The following EPHA7 variants were observed in gnomAD, a reference collection of about 807,000 sequenced individuals.
EPHA7 encodes the protein ephrin type-A receptor 7.
EPHA7 carries 25 observed loss-of-function variants against 112.6 expected under a neutral mutation model. The ratio of observed to expected loss-of-function variants is 0.22; its 90% CI spans 0.16 to 0.31. The LOEUF (loss-of-function observed/expected upper bound fraction) is 0.31, where lower values mean the gene tolerates loss of function less well. Among genes scored for constraint, EPHA7 ranks in the 10% least tolerant of loss-of-function variants. The pLI is 1.00. For missense variants in EPHA7, 962 were observed against 1,212.6 expected, an observed-to-expected ratio of 0.79 and a Z score of 3.07; for synonymous variants, 437 against 406.5, an observed-to-expected ratio of 1.07 and a Z score of -0.90.
chr6:93,405,476 A>C (rs1778648675), intron 3 of EPHA7, among the ~76,000 whole-genome samples: 2 of 151,758 alleles, frequency 1.3e-5, no homozygotes, highest in African/African-American at 2.4e-5. Context: ...ATACATGTTC[A>C]TTTGTTCATC....
At position 93,243,449 on chromosome 6, in the gene EPHA7, G is replaced by T; in HGVS notation, c.2974C>A (p.His992Asn). ...QTMRAQMLHL[H>N]GTGIQV The stretch of plus-strand genomic sequence containing the variant: ...TATCACACTTGAATGCCAGTTCCAT[G>T]TAAATGTAGCATTTGTGCTCTCATA... Residue 992 changes from histidine to asparagine, a missense_variant, in exon 17 of 17, where the codon CAT becomes AAT. Physicochemically the swap from His to Asn is moderately conservative, Grantham distance 68 (BLOSUM62 1). Around this residue, in one of 3 missense-constraint regions of EPHA7, gnomAD observed 746 missense variants for 889.2 expected, o/e 0.84. Transcript: ENST00000369303. 6.2e-7 allele frequency: 1 copy of T among 1,613,228 alleles called. No individual in the cohort carries two copies. The highest frequency in any genetic ancestry group is 8.5e-7 in the Non-Finnish European group (1 of 1,179,350).
chr6:93,273,871 G>C (rs906933656), intron 5 of EPHA7, among the ~76,000 whole-genome samples: 1 of 151,992 alleles, frequency 6.6e-6, no homozygotes, highest in African/African-American at 2.4e-5. Context: ...CAACGTTCAA[G>C]AGGCTGCTTC....
intron 5 of EPHA7, among the ~76,000 whole-genome samples, chr6:93,311,477 T>C (rs763624687): frequency 2.0e-5 from 3 of 152,154 alleles, no homozygotes; most frequent in Admixed American, 6.5e-5. Flanking sequence ...TCCTCATCCA[T>C]TGCAGTTTTA....
At chr6:93,373,200 T>C (rs551846557) in intron 3 of EPHA7, among the ~76,000 whole-genome samples, 1 of 152,012 alleles carries the variant, frequency 6.6e-6, no homozygotes, top group East Asian at 1.9e-4. Flanking sequence ...GTTCTCTTTA[T>C]ATTATATTTA....
At chr6:93,246,338 C>A (rs1006040228) in intron 15 of EPHA7, among the ~76,000 whole-genome samples, 8 of 152,128 alleles carry the variant, frequency 5.3e-5, no homozygotes, top group Non-Finnish European at 8.8e-5. Context: ...GCGTGAGCCA[C>A]CGCACCTAGC....
At chr6:93,285,286 G>A (rs574597972) in intron 5 of EPHA7, among the ~76,000 whole-genome samples, 6 of 152,224 alleles carry the variant, frequency 3.9e-5, no homozygotes, top group East Asian at 1.9e-4. Context: ...GAAAATTAAC[G>A]CAGCTAATTA....
intron 5 of EPHA7, among the ~76,000 whole-genome samples, chr6:93,276,090 C>G (rs992117538): frequency 6.6e-6 from 1 of 151,984 alleles, no homozygotes. Flanking sequence ...TGTCTATACC[C>G]TAATCTCTGA....
chr6:93,410,919 T>C lies in EPHA7; in HGVS notation c.414A>G (p.Ile138Met), dbSNP rs1318584442. 1 of 1,614,050 alleles carries C rather than the reference T, an allele frequency of 6.2e-7. No homozygotes were observed. Among genetic ancestry groups the C allele is most frequent in the East Asian group, 2.2e-5 (1 of 44,880 alleles). Residue 138 changes from isoleucine to methionine, a missense_variant, in exon 3 of 17, where the codon ATA becomes ATG. Physicochemically the swap from Ile to Met is conservative, Grantham distance 10. Around this residue, in one of 3 missense-constraint regions of EPHA7, gnomAD observed 160 missense variants for 263.6 expected, o/e 0.61. Coordinates refer to ENST00000369303, the MANE Select transcript of EPHA7 (RefSeq NM_004440.4). The surrounding 1 kb of genome is among the most constrained non-coding windows in gnomAD (Gnocchi z 4.0). ...CTATTTTTACATAGAGGTTTTCTCTTATATTCCTGCCAGTGTCATAGTCTG... is the reference window on the plus strand; with the variant it reads ...CTATTTTTACATAGAGGTTTTCTCTCATATTCCTGCCAGTGTCATAGTCTG... ...YETDYDTGRN[I>M]RENLYVKIDT...
chr6:93,254,261 A>G (rs1338543345), intron 14 of EPHA7, among the ~76,000 whole-genome samples: 1 of 152,142 alleles, frequency 6.6e-6, no homozygotes, highest in Non-Finnish European at 1.5e-5. Flanking sequence ...AAAGAAAAAG[A>G]TAAGCTTCAA....
intron 3 of EPHA7, among the ~76,000 whole-genome samples, chr6:93,398,583 G>A (rs1778291335): frequency 7.9e-6 from 1 of 126,126 alleles, no homozygotes; most frequent in South Asian, 2.4e-4. Flanking sequence ...AGAGAAGATG[G>A]AGAAGGAAAA....
intron 3 of EPHA7, among the ~76,000 whole-genome samples, chr6:93,389,785 C>T (rs926759883): frequency 2.0e-4 from 31 of 151,748 alleles, no homozygotes; most frequent in African/African-American, 7.0e-4. Context: ...GAATCTGAGT[C>T]CACAGCACTA....
intron 5 of EPHA7, among the ~76,000 whole-genome samples, chr6:93,328,327 T>C (rs1774422955): frequency 6.6e-6 from 1 of 151,608 alleles, no homozygotes; most frequent in Admixed American, 6.6e-5. Flanking sequence ...TGCACTCCAC[T>C]TCTACTAGAA....
intron 14 of EPHA7, among the ~76,000 whole-genome samples, chr6:93,249,778 A>T (rs1028119052): frequency 6.6e-6 from 1 of 152,180 alleles, no homozygotes; most frequent in African/African-American, 2.4e-5. Flanking sequence ...TGTAAATCTA[A>T]ATCTTATCAT....
At chr6:93,245,264 A>G (rs765882206) in intron 16 of EPHA7, 34 bp downstream of exon 16, 44 of 1,585,702 alleles carry the variant, frequency 2.8e-5, no homozygotes, top group African/African-American at 4.2e-5. Context: ...TACCTAATAA[A>G]TCCTTAAATA....
chr6:93,268,227 A>G (rs1771039704), intron 7 of EPHA7, among the ~76,000 whole-genome samples: 1 of 151,700 alleles, frequency 6.6e-6, no homozygotes, highest in South Asian at 2.1e-4. Context: ...TTACAACTCT[A>G]TGTGAATGAT....
intron 5 of EPHA7, among the ~76,000 whole-genome samples, chr6:93,305,389 T>G (rs1773203730): frequency 6.6e-6 from 1 of 151,996 alleles, no homozygotes; most frequent in Non-Finnish European, 1.5e-5. Context: ...TAAAATTTCT[T>G]AATAATATTA....
chr6:93,325,049 A>G (rs975564168), intron 5 of EPHA7, among the ~76,000 whole-genome samples: 1 of 151,272 alleles, frequency 6.6e-6, no homozygotes, highest in African/African-American at 2.4e-5. Context: ...AAAAAATGAG[A>G]GTGTATGGGA....
intron 5 of EPHA7, among the ~76,000 whole-genome samples, chr6:93,280,026 T>C (rs1349831984): frequency 6.6e-6 from 1 of 152,192 alleles, no homozygotes; most frequent in Non-Finnish European, 1.5e-5. Flanking sequence ...CAACATATAA[T>C]TTCTCATGAC....
intron 8 of EPHA7, 105 bp downstream of exon 8, chr6:93,264,489 T>C (rs1430048360): frequency 3.3e-6 from 2 of 598,206 alleles, no homozygotes; most frequent in Non-Finnish European, 5.7e-6. Context: ...TCAAAGAATG[T>C]TTGCATTTAC....
Sources: gnomAD v4.1 joint callset for allele counts (sites outside exome capture counted in the v4.1 genomes callset) on GRCh38, gnomAD v4.1.1 for gene constraint, gnomAD v4.1.1 regional missense constraint, Gnocchi (gnomAD v3.1) non-coding constraint, MANE v1.5 for transcripts, NCBI Gene and HGNC (gene_info 2026-07-23, HGNC 2026-07-21) for gene names.